The following METTL24 variants were observed in gnomAD, a reference collection of about 807,000 sequenced individuals.
METTL24 encodes probable methyltransferase-like protein 24.
Under a neutral mutation model 32.7 loss-of-function variants are expected in METTL24, and 29 were observed. The observed-to-expected ratio is 0.89, with a 90% CI of 0.66 to 1.21. The LOEUF is 1.21. METTL24 is among the 50% of genes most tolerant of loss of function. The pLI is 0.00. For missense variants in METTL24, 439 were observed against 468.1 expected (o/e 0.94, Z 0.57); for synonymous variants, 163 against 179.5 (o/e 0.91, Z 0.73).
intron 3 of METTL24, among the ~76,000 whole-genome samples, chr6:110,303,318 A>G (rs1771570883): frequency 1.3e-5 from 2 of 151,800 alleles, no homozygotes; most frequent in Admixed American, 1.3e-4. Flanking sequence ...AGAGAGAACC[A>G]TTCACTCCCC....
intron 1 of METTL24, among the ~76,000 whole-genome samples, chr6:110,340,236 A>C (rs1772325983): frequency 8.5e-6 from 1 of 118,284 alleles, no homozygotes; most frequent in Non-Finnish European, 1.8e-5. Flanking sequence ...GGGCAGGGGC[A>C]TGGGGGTGGT....
intron 1 of METTL24, among the ~76,000 whole-genome samples, chr6:110,346,398 T>C (rs1197385581): frequency 6.6e-6 from 1 of 152,082 alleles, no homozygotes; most frequent in East Asian, 1.9e-4. Context: ...GGTAATGCTA[T>C]GGAGAAAACA....
intron 1 of METTL24, among the ~76,000 whole-genome samples, chr6:110,355,298 G>A (rs1022148401): frequency 1.3e-5 from 2 of 152,154 alleles, no homozygotes; most frequent in Admixed American, 1.3e-4. Flanking sequence ...TAAGAAAGGG[G>A]GATGGGGCCT....
chr6:110,289,642 G>T (rs533002388), intron 4 of METTL24, among the ~76,000 whole-genome samples: 2 of 151,948 alleles, frequency 1.3e-5, no homozygotes, highest in Admixed American at 1.3e-4. Context: ...AGACTTAGAG[G>T]CTCCAAAATA....
chr6:110,311,764 G>A (rs1213820957), intron 3 of METTL24, among the ~76,000 whole-genome samples: 7 of 152,168 alleles, frequency 4.6e-5, no homozygotes, highest in Admixed American at 4.6e-4. Context: ...GTGGGCTTGA[G>A]CAGTGGGCAT....
chr6:110,274,336 G>T (rs781396055), intron 4 of METTL24, among the ~76,000 whole-genome samples: 1 of 152,034 alleles, frequency 6.6e-6, no homozygotes, highest in Non-Finnish European at 1.5e-5. Flanking sequence ...CAGGTGATCC[G>T]CTTGCCTCGG....
Position 110,322,829 on chromosome 6 carries a change from G to A in METTL24, c.362C>T (p.Ala121Val), listed in dbSNP as rs368463521. Residue 121 changes from alanine to valine, a missense_variant, in exon 2 of 5, where the codon GCT (alanine) becomes GTT (valine). Ala to Val is a moderately conservative substitution (Grantham distance 64, BLOSUM62 0). Transcript: ENST00000338882. Reference sequence around the variant, plus strand: ...CCAGGCTTCTTCATCCAGGGACTGAGCAGAGCCTGCCCAAGGCTGGAGATC... The same window carrying A: ...CCAGGCTTCTTCATCCAGGGACTGAACAGAGCCTGCCCAAGGCTGGAGATC... ...HIDLQPWAGS[A>V]QSLDEEAWRF... 25 of 1,613,862 alleles carry A rather than the reference G, an allele frequency of 1.5e-5. No individual in the cohort carries two copies. The highest frequency in any genetic ancestry group is 2.7e-5 in the African/African-American group (2 of 74,922).
chr6:110,309,944 T>C (rs1771691571), intron 3 of METTL24, among the ~76,000 whole-genome samples: 1 of 152,158 alleles, frequency 6.6e-6, no homozygotes, highest in Non-Finnish European at 1.5e-5. Flanking sequence ...TATGCACGTA[T>C]TACATAAATA....
In METTL24 at chr6:110,245,394, G is replaced by A. The variant is rs2334320; in HGVS notation, c.*552C>T. Among the ~76,000 whole-genome samples the A allele has an allele frequency of 0.072, 10,978 of 152,188 alleles. 586 individuals carry two copies. The highest frequency in any genetic ancestry group is 0.16 in the African/African-American group (6,760 of 41,500). On this transcript the variant is annotated 3_prime_UTR_variant, in exon 5 of 5. Coordinates refer to ENST00000338882, the MANE Select transcript of METTL24 (RefSeq NM_001123364.3). ...CTCAGTGACAGAATTTGGTGCATCC[G>A]AGTTCCCAGAAATCAGAAGTATTGC...
chr6:110,276,655 C>T (rs993889195), intron 4 of METTL24, among the ~76,000 whole-genome samples: 4 of 152,138 alleles, frequency 2.6e-5, no homozygotes, highest in Non-Finnish European at 4.4e-5. Flanking sequence ...CCAGCTCCAA[C>T]ATGTTGAAGA....
intron 4 of METTL24, among the ~76,000 whole-genome samples, chr6:110,257,086 G>A (rs1212355260): frequency 6.6e-6 from 1 of 152,206 alleles, no homozygotes; most frequent in Non-Finnish European, 1.5e-5. Flanking sequence ...TCTGAGAGAA[G>A]ATGACTTAAC....
chr6:110,319,459 A>AGATG (rs1554215700), intron 2 of METTL24, among the ~76,000 whole-genome samples: 1 of 149,652 alleles, frequency 6.7e-6, no homozygotes, highest in Non-Finnish European at 1.5e-5. Context: ...ATAGATAGAT[A>AGATG]GATGACAGAC....
At chr6:110,272,804 C>T (rs983184547) in intron 4 of METTL24, among the ~76,000 whole-genome samples, 1 of 151,948 alleles carries the variant, frequency 6.6e-6, no homozygotes, top group Non-Finnish European at 1.5e-5. Context: ...TTACCACCCA[C>T]TGTTTGATGG....
intron 1 of METTL24, among the ~76,000 whole-genome samples, chr6:110,333,212 A>G (rs966506525): frequency 1.3e-5 from 2 of 152,122 alleles, no homozygotes; most frequent in South Asian, 2.1e-4. Context: ...ACGTCAGTGT[A>G]TTCAGGAGGA....
chr6:110,280,906 G>A (rs1771125227), intron 4 of METTL24, among the ~76,000 whole-genome samples: 1 of 152,068 alleles, frequency 6.6e-6, no homozygotes, highest in African/African-American at 2.4e-5. Flanking sequence ...GCCCACCTCA[G>A]CCTTTCTAAG....
chr6:110,356,208 T>C (rs540111851), intron 1 of METTL24, among the ~76,000 whole-genome samples: 188 of 152,156 alleles, frequency 1.2e-3, no homozygotes, highest in African/African-American at 4.4e-3. Flanking sequence ...CTTTGGGGGA[T>C]TGAGGCGGGT....
intron 4 of METTL24, among the ~76,000 whole-genome samples, chr6:110,263,043 C>T (rs1770779693): frequency 6.6e-6 from 1 of 152,136 alleles, no homozygotes; most frequent in Non-Finnish European, 1.5e-5. Context: ...GGATGTGTTC[C>T]CTTTGAAAAC....
At chr6:110,298,305 A>G (rs1198134584) in intron 4 of METTL24, among the ~76,000 whole-genome samples, 1 of 152,262 alleles carries the variant, frequency 6.6e-6, no homozygotes, top group African/African-American at 2.4e-5. Flanking sequence ...TTGCTTTCAA[A>G]GAACACAGTT....
At chr6:110,300,957 T>C (rs1048307286) in intron 3 of METTL24, among the ~76,000 whole-genome samples, 1 of 152,208 alleles carries the variant, frequency 6.6e-6, no homozygotes, top group Non-Finnish European at 1.5e-5. Context: ...ATTGGTTATA[T>C]ACAGATACTA....
Sources: gnomAD v4.1 joint callset for allele counts (sites outside exome capture counted in the v4.1 genomes callset) on GRCh38, gnomAD v4.1.1 for gene constraint, MANE v1.5 for transcripts, NCBI Gene and HGNC (gene_info 2026-07-23, HGNC 2026-07-21) for gene names.